MAGI2: variants seen among roughly 807,000 people sequenced by gnomAD.
The protein encoded by MAGI2 is membrane associated guanylate kinase, WW and PDZ domain containing 2.
MAGI2 carries 35 observed loss-of-function variants against 133.3 expected under a neutral mutation model. The observed-to-expected ratio is 0.26, with a 90% CI of 0.20 to 0.35. The LOEUF (loss-of-function observed/expected upper bound fraction) is 0.35, where lower values mean the gene tolerates loss of function less well. Among genes scored for constraint, MAGI2 ranks in the 10% least tolerant of loss-of-function variants. The pLI is 1.00. For missense variants in MAGI2, 1,636 were observed against 1,863.4 expected, an observed-to-expected ratio of 0.88 and a Z score of 2.25; for synonymous variants, 729 against 710.6, an observed-to-expected ratio of 1.03 and a Z score of -0.41.
At chr7:78,708,631 G>C (rs1025425713) in intron 2 of MAGI2, among the ~76,000 whole-genome samples, 1 of 152,118 alleles carries the variant, frequency 6.6e-6, no homozygotes, top group South Asian at 2.1e-4. Context: ...GAAGTGTAAT[G>C]AAGTGTCTGT....
At chr7:78,497,478 T>A (rs1159134066) in intron 5 of MAGI2, among the ~76,000 whole-genome samples, 1 of 152,148 alleles carries the variant, frequency 6.6e-6, no homozygotes, top group Non-Finnish European at 1.5e-5. Flanking sequence ...CCTTTCCCTC[T>A]TAAATGCAGA....
intron 1 of MAGI2, among the ~76,000 whole-genome samples, chr7:79,287,173 C>T (rs762432370): frequency 6.6e-6 from 1 of 152,064 alleles, no homozygotes; most frequent in Non-Finnish European, 1.5e-5. Flanking sequence ...AATCTCAGAC[C>T]TCATCCCAGA....
At chr7:79,026,556 A>G (rs1809904166) in intron 1 of MAGI2, among the ~76,000 whole-genome samples, 1 of 152,182 alleles carries the variant, frequency 6.6e-6, no homozygotes, top group Non-Finnish European at 1.5e-5. Flanking sequence ...CTCAATAGCA[A>G]GATAACAAAC....
chr7:78,591,656 T>C (rs1016612959), intron 3 of MAGI2, among the ~76,000 whole-genome samples: 2 of 152,210 alleles, frequency 1.3e-5, no homozygotes, highest in Non-Finnish European at 2.9e-5. Flanking sequence ...CCTGTCCTAA[T>C]GGAAGCATTT....
chr7:79,383,250 T>C (rs1293220684), intron 1 of MAGI2, among the ~76,000 whole-genome samples: 2 of 151,662 alleles, frequency 1.3e-5, no homozygotes, highest in South Asian at 2.1e-4. Flanking sequence ...CAAGAAGGAA[T>C]GTCCAGGATG....
intron 2 of MAGI2, among the ~76,000 whole-genome samples, chr7:78,878,415 G>T (rs1459651783): frequency 6.6e-6 from 1 of 152,134 alleles, no homozygotes; most frequent in Non-Finnish European, 1.5e-5. Flanking sequence ...TGCTATAGAT[G>T]ACATTATATC....
chr7:78,775,297 A>T (rs1825897170), intron 2 of MAGI2, among the ~76,000 whole-genome samples: 1 of 127,280 alleles, frequency 7.9e-6, no homozygotes, highest in Non-Finnish European at 1.6e-5. Flanking sequence ...TGGGCGACAG[A>T]GCGAGACTCT....
rs565842333 is a variant in MAGI2, at chr7:78,498,870, G to C, written c.965+2707C>G. On this transcript the variant is annotated intron_variant, in intron 5 of 21. Coordinates refer to ENST00000354212, the MANE Select transcript of MAGI2 (RefSeq NM_012301.4). ...CTCTGTTAATCACCTTCCAGACACA[G>C]TCACTTCCACCATGACTCCAGGCTC... Among the ~76,000 whole-genome samples, 10 of 152,186 alleles carry C rather than the reference G, an allele frequency of 6.6e-5. No homozygotes were observed. In the East Asian group the frequency reaches 1.9e-3, roughly 30 times the overall value.
chr7:78,508,688 A>T (rs1051533863), intron 4 of MAGI2, among the ~76,000 whole-genome samples: 3 of 152,092 alleles, frequency 2.0e-5, no homozygotes, highest in Admixed American at 1.3e-4. Context: ...CATCATATAT[A>T]TATCAGATCT....
intron 1 of MAGI2, among the ~76,000 whole-genome samples, chr7:79,046,242 G>A (rs1370267412): frequency 6.6e-6 from 1 of 152,130 alleles, no homozygotes; most frequent in Non-Finnish European, 1.5e-5. Context: ...CTTTAAAGAG[G>A]TCATTACTGT....
chr7:79,058,802 G>C (rs1813419140), intron 1 of MAGI2, among the ~76,000 whole-genome samples: 1 of 152,114 alleles, frequency 6.6e-6, no homozygotes, highest in Admixed American at 6.6e-5. Context: ...TTAGGGTCTT[G>C]AAATCAGACA....
At chr7:78,915,071 C>T (rs1798687927) in intron 2 of MAGI2, among the ~76,000 whole-genome samples, 1 of 151,928 alleles carries the variant, frequency 6.6e-6, no homozygotes, top group African/African-American at 2.4e-5. Context: ...AGAGAAAATG[C>T]CCTGGAGAAA....
chr7:79,136,719 G>A (rs1209278186), intron 1 of MAGI2, among the ~76,000 whole-genome samples: 1 of 152,144 alleles, frequency 6.6e-6, no homozygotes, highest in Non-Finnish European at 1.5e-5. Flanking sequence ...GTTATATAAG[G>A]CTACTCATTT....
At chr7:78,334,047 T>C (rs1281192898) in intron 9 of MAGI2, among the ~76,000 whole-genome samples, 1 of 152,106 alleles carries the variant, frequency 6.6e-6, no homozygotes, top group Non-Finnish European at 1.5e-5. Context: ...GGTTATGAAG[T>C]GGTGGAAAAA....
At chr7:78,742,750 G>C (rs1013435352) in intron 2 of MAGI2, among the ~76,000 whole-genome samples, 1 of 152,130 alleles carries the variant, frequency 6.6e-6, no homozygotes, top group African/African-American at 2.4e-5. Flanking sequence ...TTTGTAGCTT[G>C]CTTGTGACCA....
At chr7:79,426,394 C>T (rs1021014983) in intron 1 of MAGI2, among the ~76,000 whole-genome samples, 2 of 152,046 alleles carry the variant, frequency 1.3e-5, no homozygotes, top group African/African-American at 2.4e-5. Context: ...GATCTGCATA[C>T]AGACATATAA....
chr7:78,863,669 T>C (rs1440187491), intron 2 of MAGI2, among the ~76,000 whole-genome samples: 1 of 152,186 alleles, frequency 6.6e-6, no homozygotes, highest in Non-Finnish European at 1.5e-5. Context: ...AATTGCCTGA[T>C]TAAGCTCTGA....
Position 78,255,994 on chromosome 7 carries a change from G to T in MAGI2, c.1996C>A (p.Leu666Ile), listed in dbSNP as rs1294916235. The T allele has an allele frequency of 1.9e-6, 3 of 1,613,858 alleles. No homozygotes were observed. The highest frequency in any genetic ancestry group is 2.5e-6 in the Non-Finnish European group (3 of 1,179,938). ...NLSHTEVVDI[L>I]KDCPIGSETS... Reference sequence around the variant, plus strand: ...TCACTTCCAATGGGACAGTCCTTAAGTATATCCACTACTTCTGTATGGCTC... The same window carrying T: ...TCACTTCCAATGGGACAGTCCTTAATTATATCCACTACTTCTGTATGGCTC... Residue 666 changes from leucine to isoleucine, a missense_variant, in exon 10 of 22, where the codon CTT (leucine) becomes ATT (isoleucine). This residue lies in a region of MAGI2 where 920 missense variants were observed against 1,093.5 expected (regional missense o/e 0.84). Transcript: ENST00000354212.
intron 1 of MAGI2, among the ~76,000 whole-genome samples, chr7:79,310,089 G>A (rs1367537008): frequency 1.4e-5 from 2 of 139,116 alleles, no homozygotes; most frequent in African/African-American, 5.3e-5. Context: ...GCTTGAACCC[G>A]AGAGGTGGAG....
Sources: gnomAD v4.1 joint callset for allele counts (sites outside exome capture counted in the v4.1 genomes callset) on GRCh38, gnomAD v4.1.1 for gene constraint, gnomAD v4.1.1 regional missense constraint, MANE v1.5 for transcripts, NCBI Gene and HGNC (gene_info 2026-07-23, HGNC 2026-07-21) for gene names.